The following PPARGC1A variants were observed in gnomAD, a reference collection of about 807,000 sequenced individuals.
PPARGC1A encodes the protein PPARG coactivator 1 alpha, also known as peroxisome proliferator-activated receptor gamma coactivator 1-alpha.
PPARGC1A carries 25 observed loss-of-function variants against 88.7 expected under a neutral mutation model. That is an observed-to-expected ratio of 0.28 (90% confidence interval 0.21 to 0.39). PPARGC1A has a LOEUF of 0.39. Ranked by LOEUF, PPARGC1A falls within the 10% of genes least tolerant of loss-of-function variation. The pLI is 1.00. For synonymous variants in PPARGC1A, 363 were observed against 355.6 expected, an observed-to-expected ratio of 1.02 and a Z score of -0.24; for missense variants, 880 against 968.7, an observed-to-expected ratio of 0.91 and a Z score of 1.22.
At chr4:24,359,884 A>G in the PPARGC1A span, among the ~76,000 whole-genome samples, 1 of 152,312 alleles carries the variant, frequency 6.6e-6, no homozygotes, top group Middle Eastern at 3.4e-3. Flanking sequence ...AACTGAGACA[A>G]TACATTTCTG....
At chr4:23,835,454 T>A (rs932136018) in intron 2 of PPARGC1A, among the ~76,000 whole-genome samples, 3 of 146,542 alleles carry the variant, frequency 2.0e-5, no homozygotes, top group Admixed American at 6.9e-5. Flanking sequence ...GATGGGAGAT[T>A]AGCATGGCGG....
At chr4:23,838,350 T>A (rs912792742) in intron 2 of PPARGC1A, among the ~76,000 whole-genome samples, 1 of 152,170 alleles carries the variant, frequency 6.6e-6, no homozygotes. Flanking sequence ...CTCCCACATG[T>A]AATGACTGAG....
the PPARGC1A span, among the ~76,000 whole-genome samples, chr4:24,198,273 T>C: frequency 6.6e-6 from 1 of 152,238 alleles, no homozygotes; most frequent in African/African-American, 2.4e-5. Context: ...ATAATATGCA[T>C]GCATGTATGC....
intron 7 of PPARGC1A, among the ~76,000 whole-genome samples, chr4:23,815,866 T>A (rs2109493014): frequency 6.6e-6 from 1 of 152,204 alleles, no homozygotes. Context: ...TTAAGGCAAG[T>A]TGCAAGGAAA....
At chr4:23,818,376 GC>G (rs1443156205) in intron 7 of PPARGC1A, among the ~76,000 whole-genome samples, 3 of 152,122 alleles carry the variant, frequency 2.0e-5, no homozygotes, top group African/African-American at 7.2e-5. Context: ...TCAGACTATA[GC>G]TTTTTTATTG....
At chr4:24,051,587 A>G in the PPARGC1A span, among the ~76,000 whole-genome samples, 1 of 152,300 alleles carries the variant, frequency 6.6e-6, no homozygotes, top group East Asian at 1.9e-4. Context: ...CCACAAGTGG[A>G]AGTGCTGGGA....
the PPARGC1A span, among the ~76,000 whole-genome samples, chr4:24,135,249 T>C: frequency 6.6e-6 from 1 of 152,150 alleles, no homozygotes; most frequent in East Asian, 1.9e-4. Flanking sequence ...TGAGGAGCCA[T>C]CCTGAGTGGC....
the PPARGC1A span, among the ~76,000 whole-genome samples, chr4:23,939,154 T>G: frequency 9.1e-4 from 139 of 152,298 alleles, no homozygotes; most frequent in African/African-American, 3.2e-3. Context: ...AGAACATGAC[T>G]ACATCTTATT....
At chr4:24,451,158 C>A in the PPARGC1A span, among the ~76,000 whole-genome samples, 7 of 152,264 alleles carry the variant, frequency 4.6e-5, no homozygotes, top group Non-Finnish European at 1.0e-4. Context: ...CCCTTGCCAG[C>A]ATATACCATA....
At chr4:24,137,113 CAA>C in the PPARGC1A span, among the ~76,000 whole-genome samples, 1,252 of 82,028 alleles carry the variant, frequency 0.015, 17 homozygotes, top group African/African-American at 0.046. Flanking sequence ...GACTCTGTCT[CAA>C]AAAAAAAAAA....
chr4:24,105,778 T>C, the PPARGC1A span, among the ~76,000 whole-genome samples: 1 of 152,036 alleles, frequency 6.6e-6, no homozygotes, highest in African/African-American at 2.4e-5. Flanking sequence ...ACTAGATGAT[T>C]TGAGGAGCAG....
At chr4:24,356,962 G>A in the PPARGC1A span, among the ~76,000 whole-genome samples, 91 of 152,212 alleles carry the variant, frequency 6.0e-4, no homozygotes, top group African/African-American at 2.1e-3. Flanking sequence ...TGAGATAAGG[G>A]AAGTATTGAA....
intron 2 of PPARGC1A, among the ~76,000 whole-genome samples, chr4:23,873,869 A>G (rs766010279): frequency 2.4e-4 from 36 of 152,198 alleles, no homozygotes; most frequent in Admixed American, 1.3e-4. Flanking sequence ...GCCTCCAAGT[A>G]CTAGCTGAAA....
the PPARGC1A span, among the ~76,000 whole-genome samples, chr4:24,353,309 C>G: frequency 6.6e-6 from 1 of 150,506 alleles, no homozygotes; most frequent in Admixed American, 6.6e-5. Context: ...TCAGGGAAGC[C>G]GAGCATAGAA....
intron 2 of PPARGC1A, among the ~76,000 whole-genome samples, chr4:23,858,018 A>G (rs1730519366): frequency 6.6e-6 from 1 of 151,926 alleles, no homozygotes; most frequent in African/African-American, 2.4e-5. Context: ...AATTATAAAA[A>G]CAACTACTAT....
the PPARGC1A span, among the ~76,000 whole-genome samples, chr4:24,294,922 C>T: frequency 1.3e-5 from 2 of 152,306 alleles, no homozygotes; most frequent in South Asian, 4.1e-4. Context: ...CACAGCTAGG[C>T]CCCTTACTCT....
the PPARGC1A span, among the ~76,000 whole-genome samples, chr4:24,086,553 G>C: frequency 6.6e-6 from 1 of 152,184 alleles, no homozygotes; most frequent in African/African-American, 2.4e-5. Context: ...CCTACCTACA[G>C]TGCTCCCATG....
At chr4:24,133,288 A>G in the PPARGC1A span, among the ~76,000 whole-genome samples, 13 of 152,130 alleles carry the variant, frequency 8.5e-5, no homozygotes, top group African/African-American at 2.4e-4. Flanking sequence ...CTGAGAGCTC[A>G]AAACCAATGA....
chr4:24,295,542 T>C, the PPARGC1A span, among the ~76,000 whole-genome samples: 1 of 151,880 alleles, frequency 6.6e-6, no homozygotes, highest in East Asian at 1.9e-4. Context: ...CCTAACTTTA[T>C]CTTGAAAGGC....
Sources: allele counts gnomAD v4.1 joint callset (sites outside exome capture counted in the v4.1 genomes callset), GRCh38; gene constraint gnomAD v4.1.1; transcripts MANE v1.5; gene names NCBI Gene and HGNC (gene_info 2026-07-23, HGNC 2026-07-21).